Variants in RBM4 observed in about 807,000 individuals in gnomAD.
The protein encoded by RBM4 is RNA binding motif protein 4.
RBM4 carries 7 observed loss-of-function variants against 29.5 expected under a neutral mutation model. The ratio of observed to expected loss-of-function variants is 0.24; its 90% CI spans 0.14 to 0.45. The LOEUF is 0.45. RBM4 is among the 20% of genes least tolerant of loss of function. The pLI is 1.00. For synonymous variants in RBM4, 220 were observed against 205.4 expected, an observed-to-expected ratio of 1.07 and a Z score of -0.61; for missense variants, 387 against 502.3, an observed-to-expected ratio of 0.77 and a Z score of 2.19.
Position 66,639,693 on chromosome 11 carries a change from C to G in RBM4, c.-12-7C>G, listed in dbSNP as rs748683819. The stretch of plus-strand genomic sequence containing the variant: ...CTTTTGTCAGATGTCTTGTTTTTCT[C>G]TCCCAGGCTCTTGTCAGGATGGTGA... On this transcript the variant is annotated splice_polypyrimidine_tract_variant and splice_region_variant and intron_variant, in intron 1 of 3. Coordinates refer to ENST00000310092, the MANE Select transcript of RBM4 (RefSeq NM_002896.4). 2.7e-5 allele frequency: 43 copies of G among 1,608,950 alleles called. No individual in the cohort carries two copies. In the Middle Eastern group the frequency reaches 8.3e-4, roughly 31 times the overall value.
At chr11:66,646,828 G>A (rs1049379859), downstream of RBM4, among the ~76,000 whole-genome samples, 11 of 152,210 alleles carry the variant, frequency 7.2e-5, no homozygotes, top group Non-Finnish European at 1.6e-4. Flanking sequence ...CCAGGGAAAA[G>A]GAGGGGTTTA....
At chr11:66,668,277 G>A in exon 3 of RBM4, 2 of 212,762 alleles carry the variant, frequency 9.4e-6, no homozygotes, top group South Asian at 1.1e-4. Context: ...GTCTTATCGT[G>A]TAGATGATAT....
In RBM4 at chr11:66,665,678, A is replaced by G. The variant is rs1266613615; in HGVS notation, c.413-178A>G. The G allele has an allele frequency of 5.9e-6, 9 of 1,512,788 alleles. No individual in the cohort carries two copies. In the Admixed American group the frequency reaches 6.6e-5, roughly 11 times the overall value. 93.7% of individuals were successfully genotyped at this position (1,512,788 alleles called of 1,614,324 possible). A position where few individuals can be genotyped will look rare whatever the true frequency, so the allele number is the denominator to read the frequency against. On this transcript the variant is annotated intron_variant, in intron 2 of 2. Coordinates refer to the RBM4 transcript ENST00000396053. ...GTCCTGTCCTGTATTCCGGGGGGAAAAAAAAGAACAAAACAAAACCAAGTC... is the reference window on the plus strand; with the variant it reads ...GTCCTGTCCTGTATTCCGGGGGGAAGAAAAAGAACAAAACAAAACCAAGTC...
chr11:66,652,966 C>G (rs960998296), intron 2 of RBM4, among the ~76,000 whole-genome samples: 3 of 152,022 alleles, frequency 2.0e-5, no homozygotes, highest in African/African-American at 7.2e-5. Flanking sequence ...TATTACTGCT[C>G]TCATTTTTGT....
chr11:66,667,196 A>C (rs1387195683), exon 3 of RBM4: 1 of 152,240 alleles, frequency 6.6e-6, no homozygotes, highest in Non-Finnish European at 1.5e-5. Context: ...AAGGAAAACC[A>C]TGAGAATATA....
chr11:66,658,797 C>T (rs763374810), intron 2 of RBM4, among the ~76,000 whole-genome samples: 4 of 151,760 alleles, frequency 2.6e-5, no homozygotes, highest in South Asian at 2.1e-4. Flanking sequence ...CTTAGCCAGG[C>T]GTGGTGGCAC....
chr11:66,657,849 G>C lies in RBM4; in HGVS notation c.413-8007G>C, dbSNP rs865953176. Among the ~76,000 whole-genome samples the C allele has an allele frequency of 2.0e-5, 3 of 149,320 alleles. No individual in the cohort carries two copies. In the East Asian group the frequency reaches 6.1e-4, roughly 30 times the overall value. ...AGCAATTCTCTCACCTCAGCCTCCC[G>C]AGTAGCTGGGACCACTGGCGCATGC... On this transcript the variant is annotated intron_variant, in intron 2 of 2. Coordinates refer to the RBM4 transcript ENST00000396053.
At chr11:66,649,668 A>G, downstream of RBM4, 1 of 688,694 alleles carries the variant, frequency 1.5e-6, no homozygotes, top group Non-Finnish European at 2.6e-6. Context: ...GGCTCTGTGT[A>G]ATTGACAAGG....
chr11:66,641,755 G>C (rs1211770564), intron 2 of RBM4, among the ~76,000 whole-genome samples: 1 of 152,092 alleles, frequency 6.6e-6, no homozygotes, highest in Non-Finnish European at 1.5e-5. Flanking sequence ...TCTTAATACT[G>C]TTCTGGTAGA....
intron 2 of RBM4, chr11:66,640,861 AT>A (rs1197525132): frequency 6.6e-6 from 1 of 152,232 alleles, no homozygotes; most frequent in Non-Finnish European, 1.5e-5. Flanking sequence ...CATGGGTGAT[AT>A]GTGGATTGTC....
intron 2 of RBM4, among the ~76,000 whole-genome samples, chr11:66,664,496 T>G (rs1310558933): frequency 6.6e-6 from 1 of 151,746 alleles, no homozygotes; most frequent in African/African-American, 2.4e-5. Flanking sequence ...GTTTCGCTCT[T>G]GTTGTCCAGG....
intron 3 of RBM4, among the ~76,000 whole-genome samples, chr11:66,645,481 T>C (rs1938651989): frequency 6.6e-6 from 1 of 152,204 alleles, no homozygotes; most frequent in African/African-American, 2.4e-5. Flanking sequence ...AGCTTATACA[T>C]GCCCTTCTGC....
intron 2 of RBM4, among the ~76,000 whole-genome samples, chr11:66,657,682 CAA>C (rs763265823): frequency 0.019 from 533 of 28,022 alleles, 1 homozygote; most frequent in African/African-American, 0.055. Context: ...GATTCCATCT[CAA>C]AAAAAAAAAA....
chr11:66,660,594 G>A (rs1939057315), intron 2 of RBM4, among the ~76,000 whole-genome samples: 2 of 151,178 alleles, frequency 1.3e-5, no homozygotes, highest in Non-Finnish European at 2.9e-5. Flanking sequence ...CTTCTACCTC[G>A]GCTCCCAAAG....
At position 66,640,140 on chromosome 11, in the gene RBM4, G is replaced by T. The variant is rs1261788419; in HGVS notation, c.412+17G>T. On this transcript the variant is annotated intron_variant, in intron 2 of 3. Coordinates refer to ENST00000310092, the MANE Select transcript of RBM4 (RefSeq NM_002896.4). ...AGTTTCAAGGTGAACCACCCTCTTTGGGTAGAGGGCTGAACACAAGGCTGT... is the reference window on the plus strand; with the variant it reads ...AGTTTCAAGGTGAACCACCCTCTTTTGGTAGAGGGCTGAACACAAGGCTGT... The T allele has an allele frequency of 6.2e-7, 1 of 1,613,998 alleles. No homozygotes were observed. The highest frequency in any genetic ancestry group is 1.7e-5 in the Admixed American group (1 of 60,000).
downstream of RBM4, among the ~76,000 whole-genome samples, chr11:66,646,818 C>T (rs931180162): frequency 6.6e-6 from 1 of 152,162 alleles, no homozygotes; most frequent in Admixed American, 6.5e-5. Flanking sequence ...AACTTAATTT[C>T]CAGGGAAAAG....
intron 2 of RBM4, among the ~76,000 whole-genome samples, chr11:66,658,337 CTTTTTT>C (rs35133059): frequency 2.0e-4 from 10 of 50,458 alleles, no homozygotes; most frequent in South Asian, 1.5e-3. Flanking sequence ...CTAGTCTGAC[CTTTTTT>C]TTTTTTTTTT....
chr11:66,664,696 C>G (rs1939163676), intron 2 of RBM4, among the ~76,000 whole-genome samples: 1 of 152,124 alleles, frequency 6.6e-6, no homozygotes, highest in African/African-American at 2.4e-5. Context: ...CTCAGGTGAT[C>G]TACCCACCTT....
rs774314780 is a variant in RBM4, at chr11:66,644,160, C to G, written c.*8+20C>G. 2 of 1,589,406 alleles carry G rather than the reference C, an allele frequency of 1.3e-6. No individual in the cohort carries two copies. The highest frequency in any genetic ancestry group is 2.3e-5 in the South Asian group (2 of 86,940). ...CTTGAGGTGAGAGGGGTGGGGTGTT[C>G]CCTCTTCTGGTTTTGCCATCCCTCC... On this transcript the variant is annotated intron_variant, in intron 3 of 3. Coordinates refer to ENST00000310092, the MANE Select transcript of RBM4 (RefSeq NM_002896.4).
Sources: allele counts gnomAD v4.1 joint callset (sites outside exome capture counted in the v4.1 genomes callset), GRCh38; gene constraint gnomAD v4.1.1; transcripts MANE v1.5; gene names NCBI Gene and HGNC (gene_info 2026-07-23, HGNC 2026-07-21).